The following LRRC37A2 variants were observed in gnomAD, a reference collection of about 807,000 sequenced individuals.
The protein encoded by LRRC37A2 is leucine rich repeat containing 37 member A2, also known as leucine-rich repeat-containing protein 37A2.
In LRRC37A2, 9 loss-of-function variants were observed where a neutral mutation model predicts 68.8. The observed-to-expected ratio is 0.13, with a 90% CI of 0.08 to 0.23. LRRC37A2 has a LOEUF of 0.23. Ranked by LOEUF, LRRC37A2 falls within the 10% of genes least tolerant of loss-of-function variation. The pLI is 1.00. For missense variants in LRRC37A2, 168 were observed against 950.4 expected (o/e 0.18, Z 10.82); for synonymous variants, 63 against 367.6 (o/e 0.17, Z 9.48).
the LRRC37A2 span, among the ~76,000 whole-genome samples, chr17:46,981,895 TCTCA>T: frequency 6.6e-6 from 1 of 151,948 alleles, no homozygotes; most frequent in Admixed American, 6.6e-5. Context: ...TCAGACAGGG[TCTCA>T]CTATGTTGCC....
chr17:46,899,923 A>G, the LRRC37A2 span, among the ~76,000 whole-genome samples: 1 of 151,736 alleles, frequency 6.6e-6, no homozygotes, highest in African/African-American at 2.4e-5. Context: ...TCTTCAGTCA[A>G]ACTATAGGGG....
the LRRC37A2 span, among the ~76,000 whole-genome samples, chr17:46,971,336 CAAAATTAATTAATTAATT>C: frequency 6.6e-6 from 1 of 152,056 alleles, no homozygotes; most frequent in East Asian, 1.9e-4. Flanking sequence ...GACTCCTTCT[CAAAATTAATTAATTAATT>C]AATTAAAAAG....
chr17:47,028,314 T>G, the LRRC37A2 span: 1 of 1,514,326 alleles, frequency 6.6e-7, no homozygotes, highest in African/African-American at 1.4e-5. Context: ...AGAACTCAGC[T>G]TTGGAACATT....
chr17:46,766,626 C>T, the LRRC37A2 span, among the ~76,000 whole-genome samples: 1 of 152,274 alleles, frequency 6.6e-6, no homozygotes, highest in African/African-American at 2.4e-5. Context: ...ACTTGAGCTA[C>T]ACCGAGGGGC....
the LRRC37A2 span, among the ~76,000 whole-genome samples, chr17:46,866,009 T>C: frequency 6.6e-6 from 1 of 151,890 alleles, no homozygotes; most frequent in Non-Finnish European, 1.5e-5. Context: ...GTGGAGAGAG[T>C]TGGGCATAAA....
chr17:47,012,763 C>T, the LRRC37A2 span, among the ~76,000 whole-genome samples: 1 of 152,142 alleles, frequency 6.6e-6, no homozygotes, highest in Admixed American at 6.6e-5. Context: ...TTAGAACCTT[C>T]ATATACTGTT....
chr17:46,896,430 G>GA, the LRRC37A2 span, among the ~76,000 whole-genome samples: 1 of 103,450 alleles, frequency 9.7e-6, no homozygotes, highest in African/African-American at 7.1e-5. Flanking sequence ...AAGAAAGAAA[G>GA]AAAGAAAGAA....
the LRRC37A2 span, among the ~76,000 whole-genome samples, chr17:46,418,215 TTGTG>T: frequency 4.8e-5 from 3 of 62,630 alleles, 1 homozygote; most frequent in African/African-American, 1.2e-4. Context: ...GTGTGTGTGT[TTGTG>T]TGTGTGTGTG....
At chr17:46,502,534 T>TCAGG in the LRRC37A2 span, among the ~76,000 whole-genome samples, 1 of 151,024 alleles carries the variant, frequency 6.6e-6, no homozygotes, top group Non-Finnish European at 1.5e-5. Context: ...ACTCCTGACC[T>TCAGG]CAGGCAGTCT....
At chr17:46,804,959 G>A in the LRRC37A2 span, among the ~76,000 whole-genome samples, 51 of 106,436 alleles carry the variant, frequency 4.8e-4, no homozygotes, top group African/African-American at 1.9e-3. Context: ...ACCCCCTTGG[G>A]TCGCCTTCCA....
the LRRC37A2 span, among the ~76,000 whole-genome samples, chr17:46,817,068 T>G: frequency 6.6e-6 from 1 of 152,170 alleles, no homozygotes; most frequent in Non-Finnish European, 1.5e-5. Flanking sequence ...TGGCTGGCTG[T>G]CCTGGGAGCA....
the LRRC37A2 span, among the ~76,000 whole-genome samples, chr17:46,786,261 AAGG>A: frequency 1.3e-5 from 2 of 152,088 alleles, no homozygotes; most frequent in Admixed American, 1.3e-4. Context: ...AGGGTGGAAG[AAGG>A]AGGAGGACAG....
chr17:46,868,215 C>G, the LRRC37A2 span, among the ~76,000 whole-genome samples: 5 of 152,230 alleles, frequency 3.3e-5, no homozygotes, highest in African/African-American at 1.2e-4. Flanking sequence ...AACCCTTCCT[C>G]TGCCCTTTAG....
the LRRC37A2 span, chr17:46,773,680 C>T: frequency 8.9e-6 from 12 of 1,347,134 alleles, no homozygotes; most frequent in East Asian, 9.7e-5. Flanking sequence ...TTGTCGAGGA[C>T]GGGCCCAAAG....
chr17:46,919,487 C>T, the LRRC37A2 span, among the ~76,000 whole-genome samples: 2 of 152,190 alleles, frequency 1.3e-5, no homozygotes, highest in African/African-American at 4.8e-5. Context: ...ATTTCCTTAT[C>T]TGCCTTATCC....
chr17:46,861,082 C>T, the LRRC37A2 span, among the ~76,000 whole-genome samples: 12 of 152,202 alleles, frequency 7.9e-5, no homozygotes, highest in African/African-American at 2.7e-4. Flanking sequence ...CCAAGCCAAC[C>T]TCTTCATCTC....
the LRRC37A2 span, chr17:46,818,858 G>T: frequency 2.0e-5 from 11 of 546,118 alleles, no homozygotes; most frequent in Admixed American, 3.3e-4. Context: ...CGCCCCTCCC[G>T]CCCGGCCCAC....
chr17:46,871,979 A>G, the LRRC37A2 span, among the ~76,000 whole-genome samples: 9 of 152,316 alleles, frequency 5.9e-5, no homozygotes, highest in East Asian at 1.7e-3. Context: ...AGCATAATGT[A>G]AGGGAGAGAG....
the LRRC37A2 span, among the ~76,000 whole-genome samples, chr17:46,728,273 T>C: frequency 2.6e-5 from 4 of 152,246 alleles, no homozygotes; most frequent in Non-Finnish European, 4.4e-5. Flanking sequence ...TTCCGTTTTA[T>C]TGAAATTCCT....
Sources: gnomAD v4.1 joint callset for allele counts (sites outside exome capture counted in the v4.1 genomes callset) on GRCh38, gnomAD v4.1.1 for gene constraint, MANE v1.5 for transcripts, NCBI Gene and HGNC (gene_info 2026-07-23, HGNC 2026-07-21) for gene names.